Variants in LUZP2 observed in about 807,000 individuals in gnomAD.
LUZP2 encodes leucine zipper protein 2.
A neutral mutation model predicts 51.6 loss-of-function variants in LUZP2; 52 were observed. The observed-to-expected ratio is 1.01, with a 90% CI of 0.81 to 1.27. The LOEUF is 1.27. Among genes scored for constraint, LUZP2 ranks in the 50% most tolerant of loss-of-function variants. The pLI is 0.00. For missense variants in LUZP2, 436 were observed against 395.4 expected (o/e 1.10, Z -0.87); for synonymous variants, 154 against 137.3 (o/e 1.12, Z -0.85).
At chr11:25,040,539 A>G (rs960793306) in intron 9 of LUZP2, among the ~76,000 whole-genome samples, 7 of 152,060 alleles carry the variant, frequency 4.6e-5, no homozygotes, top group African/African-American at 1.2e-4. Context: ...CATGGGTTAA[A>G]TAATTAGCTG....
intron 1 of LUZP2, among the ~76,000 whole-genome samples, chr11:24,578,904 A>G (rs947525203): frequency 6.6e-6 from 1 of 152,132 alleles, no homozygotes; most frequent in Non-Finnish European, 1.5e-5. Context: ...AAACCTGCAC[A>G]TATACCCCTG....
At chr11:24,514,652 T>A (rs888372661) in intron 1 of LUZP2, among the ~76,000 whole-genome samples, 1 of 147,890 alleles carries the variant, frequency 6.8e-6, no homozygotes, top group African/African-American at 2.6e-5. Context: ...GTTAACATAA[T>A]TTTCTTAATT....
intron 5 of LUZP2, among the ~76,000 whole-genome samples, chr11:24,861,609 C>T (rs1048577019): frequency 6.6e-6 from 1 of 152,144 alleles, no homozygotes; most frequent in Admixed American, 6.5e-5. Context: ...TACTCAGACA[C>T]AGGTATGCAG....
At chr11:24,921,456 G>A (rs1026107930) in intron 7 of LUZP2, among the ~76,000 whole-genome samples, 11 of 152,092 alleles carry the variant, frequency 7.2e-5, no homozygotes, top group African/African-American at 1.9e-4. Context: ...CTTGGCACAG[G>A]TGGCGACAAG....
At chr11:24,951,377 C>G (rs765327929) in intron 7 of LUZP2, among the ~76,000 whole-genome samples, 1 of 151,418 alleles carries the variant, frequency 6.6e-6, no homozygotes, top group Non-Finnish European at 1.5e-5. Flanking sequence ...AGTTGAAAAA[C>G]TGAAGATTTG....
At chr11:24,778,675 G>A (rs1337088560) in intron 5 of LUZP2, among the ~76,000 whole-genome samples, 1 of 152,072 alleles carries the variant, frequency 6.6e-6, no homozygotes, top group Non-Finnish European at 1.5e-5. Flanking sequence ...TAAAAAGGAA[G>A]AAAGGAAGGA....
chr11:24,659,646 G>T (rs1855948417), intron 1 of LUZP2, among the ~76,000 whole-genome samples: 1 of 151,534 alleles, frequency 6.6e-6, no homozygotes, highest in African/African-American at 2.4e-5. Context: ...CAAGCCTATG[G>T]AACTCACAAT....
chr11:24,645,840 A>AGTGTGTGT (rs3077994), intron 1 of LUZP2, among the ~76,000 whole-genome samples: 2 of 149,682 alleles, frequency 1.3e-5, no homozygotes. Flanking sequence ...ATATATATTA[A>AGTGTGTGT]GTGTGTGTGT....
intron 5 of LUZP2, among the ~76,000 whole-genome samples, chr11:24,842,452 G>GA (rs890023260): frequency 1.4e-4 from 21 of 151,642 alleles, no homozygotes; most frequent in African/African-American, 4.6e-4. Context: ...GTCAGTCAGG[G>GA]AAAAAAAGTC....
rs1273736207 is a variant in LUZP2 at position 24,914,340 on chromosome 11, T to A, written c.460-136T>A. 4.6e-6 allele frequency: 3 copies of A among 652,840 alleles called. No homozygotes were observed. In the East Asian group the frequency reaches 9.0e-5, roughly 20 times the overall value. 40.4% of individuals were successfully genotyped at this position (652,840 alleles called of 1,614,324 possible). ...CTCTCAAAGCAGAGCTAAGGGTTTC[T>A]GCTTTACTTCTAAACTGGTTGGACT... On this transcript the variant is annotated intron_variant, in intron 6 of 11. Transcript: ENST00000336930.
At chr11:24,533,386 T>C (rs973558582) in intron 1 of LUZP2, among the ~76,000 whole-genome samples, 2 of 151,322 alleles carry the variant, frequency 1.3e-5, no homozygotes, top group Non-Finnish European at 3.0e-5. Flanking sequence ...TATGTTGCCA[T>C]GAAATTGATA....
chr11:24,763,238 AT>A lies in LUZP2; in HGVS notation c.334-4del. 7.6e-7 allele frequency: 1 copy of A among 1,314,738 alleles called. No homozygotes were observed. Among genetic ancestry groups the A allele is most frequent in the Non-Finnish European group, 1.0e-6 (1 of 977,230 alleles). 81.4% of individuals were successfully genotyped at this position (1,314,738 alleles called of 1,614,324 possible). ...AATGTGTCTACATAATAGTCTATTC[AT>A]TTTCAGATTAATTTTTTAAAGACTG... is the stretch of plus-strand genomic sequence containing the variant. On this transcript the variant is annotated splice_region_variant and splice_polypyrimidine_tract_variant and intron_variant, in intron 4 of 11. Transcript: ENST00000336930.
chr11:24,745,456 T>C (rs1859345299), intron 4 of LUZP2, among the ~76,000 whole-genome samples: 1 of 152,186 alleles, frequency 6.6e-6, no homozygotes, highest in Non-Finnish European at 1.5e-5. Context: ...TACCATTATA[T>C]AATGTCCCAC....
intron 4 of LUZP2, among the ~76,000 whole-genome samples, chr11:24,758,739 T>G (rs993874493): frequency 1.3e-5 from 2 of 152,156 alleles, no homozygotes; most frequent in South Asian, 4.1e-4. Flanking sequence ...GTATTGTCCT[T>G]GACTAAACAT....
chr11:24,875,693 G>A (rs948530649), intron 5 of LUZP2, among the ~76,000 whole-genome samples: 6 of 150,990 alleles, frequency 4.0e-5, no homozygotes, highest in African/African-American at 1.2e-4. Context: ...CTTCCACAAT[G>A]GTTGAACTAG....
intron 7 of LUZP2, among the ~76,000 whole-genome samples, chr11:24,952,469 A>G (rs972777942): frequency 2.0e-5 from 3 of 151,726 alleles, no homozygotes; most frequent in Non-Finnish European, 4.4e-5. Context: ...AGGACAAAGA[A>G]AAGGTAGAAA....
intron 1 of LUZP2, among the ~76,000 whole-genome samples, chr11:24,711,167 G>A (rs1209652145): frequency 6.6e-6 from 1 of 152,112 alleles, no homozygotes; most frequent in East Asian, 1.9e-4. Context: ...AGGATTTTCT[G>A]GGCCTGGCGC....
At chr11:24,680,266 A>G (rs932908443) in intron 1 of LUZP2, among the ~76,000 whole-genome samples, 1 of 152,240 alleles carries the variant, frequency 6.6e-6, no homozygotes, top group African/African-American at 2.4e-5. Context: ...CACACTTTGT[A>G]AAGTTGCTCC....
rs903133368 is a variant in LUZP2, at chr11:24,860,675, C to A, written c.397-45316C>A. On this transcript the variant is annotated intron_variant, in intron 5 of 11. Coordinates refer to ENST00000336930, the MANE Select transcript of LUZP2 (RefSeq NM_001009909.4). ...TCAGATGAATAGGGCCCGAAGTGAA[C>A]CCCCAGCAAATTGCAGCAGCCTATA... Among the ~76,000 whole-genome samples the A allele has an allele frequency of 2.6e-5, 4 of 152,012 alleles. No homozygotes were observed. In the East Asian group the frequency reaches 7.7e-4, roughly 29 times the overall value.
Sources: allele counts gnomAD v4.1 joint callset (sites outside exome capture counted in the v4.1 genomes callset), GRCh38; gene constraint gnomAD v4.1.1; transcripts MANE v1.5; gene names NCBI Gene and HGNC (gene_info 2026-07-23, HGNC 2026-07-21).